The following H2AC7 variants were observed in gnomAD, a reference collection of about 807,000 sequenced individuals.
The protein encoded by H2AC7 is histone H2A type 1-D.
In H2AC7, 15 loss-of-function variants were observed where a neutral mutation model predicts 8.3. The ratio of observed to expected loss-of-function variants is 1.81; its 90% CI spans 1.21 to 2.79. H2AC7 has a LOEUF of 2.79. Among genes scored for constraint, H2AC7 ranks in the 30% most tolerant of loss-of-function variants. The pLI is 0.00. For synonymous variants in H2AC7, 168 were observed against 80.1 expected (o/e 2.10, Z -5.86); for missense variants, 283 against 175.2 (o/e 1.62, Z -3.47).
Position 26,199,177 on chromosome 6 carries a change from C to A in H2AC7, c.67G>T (p.Gly23Ter). Residue 23 changes from glycine to a stop codon, truncating the protein, a stop_gained, in exon 1 of 1, where the codon GGA (glycine) becomes TGA (stop). Transcript: ENST00000341023. LOFTEE classifies it high-confidence loss of function. ...ACGCGGCCCACAGGGAACTGGAGTC[C>A]GGCCCGCGAAGAGCGGGTCTTAGCC... ...AKAKTRSSRA[G>*]LQFPVGRVHR... 4 of 1,614,070 alleles carry A rather than the reference C, an allele frequency of 2.5e-6. No homozygotes were observed. Among genetic ancestry groups the A allele is most frequent in the Non-Finnish European group, 3.4e-6 (4 of 1,179,958 alleles).
In H2AC7 at chr6:26,199,257, A is replaced by G. The variant is rs1275621297; in HGVS notation, c.-14T>C. The stretch of plus-strand genomic sequence containing the variant: ...GCGTCCGGACATTTTGAATTCTTAA[A>G]AACGATGTTAAGCAATGAAGACAAA... On this transcript the variant is annotated 5_prime_UTR_variant, in exon 1 of 1. Transcript: ENST00000341023. 6.3e-7 allele frequency: 1 copy of G among 1,590,966 alleles called. No individual in the cohort carries two copies. The highest frequency in any genetic ancestry group is 8.5e-7 in the Non-Finnish European group (1 of 1,174,112).
rs748090291 is a variant in H2AC7 at position 26,199,085 on chromosome 6, C to G, written c.159G>C (p.Ala53=). The G allele has an allele frequency of 7.4e-6, 12 of 1,614,156 alleles. No individual in the cohort carries two copies. The highest frequency in any genetic ancestry group is 1.3e-5 in the African/African-American group (1 of 75,056). Residue 53 remains alanine, a synonymous_variant, in exon 1 of 1, where the codon GCG becomes GCC. Coordinates refer to ENST00000341023, the MANE Select transcript of H2AC7 (RefSeq NM_021065.3). The stretch of plus-strand genomic sequence containing the variant: ...CGGCGGTCAGGTACTCCAACACCGC[C>G]GCCAGATACACTGGCGCGCCGGCCC... ...RVGAGAPVYL[A]AVLEYLTAEI...
Position 26,199,116 on chromosome 6 carries a change from C to G in H2AC7, c.128G>C (p.Arg43Pro). 2 of 1,614,180 alleles carry G rather than the reference C, an allele frequency of 1.2e-6. No individual in the cohort carries two copies. Among genetic ancestry groups the G allele is most frequent in the Non-Finnish European group, 1.7e-6 (2 of 1,180,022 alleles). ...RLLRKGNYSE[R>P]VGAGAPVYLA... ...ATACACTGGCGCGCCGGCCCCGACT[C>G]GCTCGGAGTAGTTGCCCTTGCGGAG... Residue 43 changes from arginine (R) to proline (P), a missense_variant, in exon 1 of 1, where the codon CGA becomes CCA. Physicochemically the swap from Arg to Pro is moderately radical, Grantham distance 103 (BLOSUM62 -2). Coordinates refer to ENST00000341023, the MANE Select transcript of H2AC7 (RefSeq NM_021065.3).
At position 26,199,264 on chromosome 6, in the gene H2AC7, G is replaced by T. The variant is rs200459903; in HGVS notation, c.-21C>A. On this transcript the variant is annotated 5_prime_UTR_variant, in exon 1 of 1. Coordinates refer to ENST00000341023, the MANE Select transcript of H2AC7 (RefSeq NM_021065.3). ...GACATTTTGAATTCTTAAAAACGATGTTAAGCAATGAAGACAAAAATGTAA... is the reference window on the plus strand; with the variant it reads ...GACATTTTGAATTCTTAAAAACGATTTTAAGCAATGAAGACAAAAATGTAA... The T allele has an allele frequency of 2.5e-6, 4 of 1,586,416 alleles. No individual in the cohort carries two copies. In the South Asian group the frequency reaches 4.6e-5, roughly 18 times the overall value.
In H2AC7 at chr6:26,198,959, GT is replaced by G. The variant is rs748343820; in HGVS notation, c.284del (p.Asn95ThrfsTer46). ...QLAIRNDEEL[N>X]KLLGKVTIAQ... ...CAATTGTGACTTTACCCAGCAACTT[GT>G]TTAGCTCCTCGTCGTTGCGGATGGC... On this transcript the variant is annotated frameshift_variant, in exon 1 of 1. Transcript: ENST00000341023. LOFTEE classifies it high-confidence loss of function. 1 of 1,614,218 alleles carries G rather than the reference GT, an allele frequency of 6.2e-7. No homozygotes were observed. Among genetic ancestry groups the G allele is most frequent in the South Asian group, 1.1e-5 (1 of 91,088 alleles).
Position 26,199,153 on chromosome 6 carries a change from C to G in H2AC7, c.91G>C (p.Val31Leu). Reference protein sequence around the residue: ...RAGLQFPVGRVHRLLRKGNYS... With the variant: ...RAGLQFPVGRLHRLLRKGNYS... ...TTGCCCTTGCGGAGCAAGCGGTGTA[C>G]GCGGCCCACAGGGAACTGGAGTCCG... Residue 31 changes from valine (V) to leucine (L), a missense_variant, in exon 1 of 1, where the codon GTA (valine) becomes CTA (leucine). Val to Leu is a conservative substitution (Grantham distance 32). Transcript: ENST00000341023. 1 of 1,614,144 alleles carries G rather than the reference C, an allele frequency of 6.2e-7. No homozygotes were observed. The highest frequency in any genetic ancestry group is 8.5e-7 in the Non-Finnish European group (1 of 1,180,008).
In H2AC7 at chr6:26,198,985, C is replaced by A; in HGVS notation, c.259G>T (p.Ala87Ser). 6.2e-7 allele frequency: 1 copy of A among 1,614,210 alleles called. No homozygotes were observed. Among genetic ancestry groups the A allele is most frequent in the Non-Finnish European group, 8.5e-7 (1 of 1,180,042 alleles). Residue 87 changes from alanine (A) to serine (S), a missense_variant, in exon 1 of 1, where the codon GCC becomes TCC. Transcript: ENST00000341023. ...TTTAGCTCCTCGTCGTTGCGGATGG[C>A]CAGCTGCAGGTGTCGGGGGATGATG... is the stretch of plus-strand genomic sequence containing the variant. ...TRIIPRHLQLAIRNDEELNKL... is the reference protein window; with the variant it reads ...TRIIPRHLQLSIRNDEELNKL...
Position 26,199,075 on chromosome 6 carries a change from C to T in H2AC7, c.169G>A (p.Glu57Lys), listed in dbSNP as rs752018813. The T allele has an allele frequency of 1.9e-6, 3 of 1,614,172 alleles. No individual in the cohort carries two copies. The highest frequency in any genetic ancestry group is 1.1e-5 in the South Asian group (1 of 91,080). Residue 57 changes from glutamate to lysine, a missense_variant, in exon 1 of 1, where the codon GAG becomes AAG. Glu to Lys is a moderately conservative substitution (Grantham distance 56). Transcript: ENST00000341023. ...GAPVYLAAVL[E>K]YLTAEILELA... ...TCCAGGATCTCGGCGGTCAGGTACT[C>T]CAACACCGCCGCCAGATACACTGGC...
chr6:26,199,020 T>C lies in H2AC7; in HGVS notation c.224A>G (p.Lys75Arg), dbSNP rs931788913. 2 of 1,614,146 alleles carry C rather than the reference T, an allele frequency of 1.2e-6. No homozygotes were observed. Among genetic ancestry groups the C allele is most frequent in the African/African-American group, 1.3e-5 (1 of 75,040 alleles). ...ELAGNAARDN[K>R]KTRIIPRHLQ... The stretch of plus-strand genomic sequence containing the variant: ...GTGTCGGGGGATGATGCGGGTCTTC[T>C]TGTTGTCGCGGGCGGCGTTGCCCGC... Residue 75 changes from lysine to arginine, a missense_variant, in exon 1 of 1, where the codon AAG becomes AGG. Physicochemically the swap from Lys to Arg is conservative, Grantham distance 26 (BLOSUM62 2). Coordinates refer to ENST00000341023, the MANE Select transcript of H2AC7 (RefSeq NM_021065.3).
chr6:26,199,142 C>A lies in H2AC7; in HGVS notation c.102G>T (p.Leu34Phe), dbSNP rs1264993920. ...LQFPVGRVHR[L>F]LRKGNYSERV... ...GCTCGGAGTAGTTGCCCTTGCGGAGCAAGCGGTGTACGCGGCCCACAGGGA... is the reference window on the plus strand; with the variant it reads ...GCTCGGAGTAGTTGCCCTTGCGGAGAAAGCGGTGTACGCGGCCCACAGGGA... Residue 34 changes from leucine (L) to phenylalanine (F), a missense_variant, in exon 1 of 1, where the codon TTG becomes TTT. By Grantham distance (22) the Leu-to-Phe change is conservative. Transcript: ENST00000341023. 6.2e-7 allele frequency: 1 copy of A among 1,614,172 alleles called. No homozygotes were observed. Among genetic ancestry groups the A allele is most frequent in the Non-Finnish European group, 8.5e-7 (1 of 1,180,026 alleles).
chr6:26,199,177 C>T lies in H2AC7; in HGVS notation c.67G>A (p.Gly23Arg), dbSNP rs1765065996. The part of the protein sequence containing the change: ...AKAKTRSSRA[G>R]LQFPVGRVHR... ...ACGCGGCCCACAGGGAACTGGAGTC[C>T]GGCCCGCGAAGAGCGGGTCTTAGCC... Residue 23 changes from glycine to arginine, a missense_variant, in exon 1 of 1, where the codon GGA becomes AGA. Transcript: ENST00000341023. 2 of 1,614,070 alleles carry T rather than the reference C, an allele frequency of 1.2e-6. No homozygotes were observed. The highest frequency in any genetic ancestry group is 1.7e-6 in the Non-Finnish European group (2 of 1,179,958).
At position 26,198,964 on chromosome 6, in the gene H2AC7, G is replaced by C. The variant is rs139406782; in HGVS notation, c.280C>G (p.Leu94Val). 384 of 1,614,234 alleles carry C rather than the reference G, an allele frequency of 2.4e-4. No homozygotes were observed. Among genetic ancestry groups the C allele is most frequent in the Non-Finnish European group, 3.1e-4 (368 of 1,180,050 alleles). Residue 94 changes from leucine to valine, a missense_variant, in exon 1 of 1, where the codon CTA becomes GTA. Physicochemically the swap from Leu to Val is conservative, Grantham distance 32. Coordinates refer to ENST00000341023, the MANE Select transcript of H2AC7 (RefSeq NM_021065.3). ...GTGACTTTACCCAGCAACTTGTTTAGCTCCTCGTCGTTGCGGATGGCCAGC... is the reference window on the plus strand; with the variant it reads ...GTGACTTTACCCAGCAACTTGTTTACCTCCTCGTCGTTGCGGATGGCCAGC... ...LQLAIRNDEE[L>V]NKLLGKVTIA...
In H2AC7 at chr6:26,199,179, G is replaced by A; in HGVS notation, c.65C>T (p.Ala22Val). The A allele has an allele frequency of 1.2e-6, 2 of 1,614,080 alleles. No homozygotes were observed. The highest frequency in any genetic ancestry group is 1.7e-6 in the Non-Finnish European group (2 of 1,179,966). Residue 22 changes from alanine (A) to valine (V), a missense_variant, in exon 1 of 1, where the codon GCC becomes GTC. Physicochemically the swap from Ala to Val is moderately conservative, Grantham distance 64 (BLOSUM62 0). Transcript: ENST00000341023. ...GCGGCCCACAGGGAACTGGAGTCCG[G>A]CCCGCGAAGAGCGGGTCTTAGCCTT... ...RAKAKTRSSR[A>V]GLQFPVGRVH...
rs1290793856 is a variant in H2AC7, at chr6:26,199,196, C to T, written c.48G>A (p.Lys16=). The change falls in exon 1 of 1, where the codon AAG becomes AAA. Residue 16 remains lysine (K), a synonymous_variant. Transcript: ENST00000341023. Reference sequence around the variant, plus strand: ...GGAGTCCGGCCCGCGAAGAGCGGGTCTTAGCCTTAGCTCGGGCCTTTCCGC... The same window carrying T: ...GGAGTCCGGCCCGCGAAGAGCGGGTTTTAGCCTTAGCTCGGGCCTTTCCGC... ...KQGGKARAKA[K]TRSSRAGLQF... is the part of the protein sequence containing the mutation. 4 of 1,613,508 alleles carry T rather than the reference C, an allele frequency of 2.5e-6. No homozygotes were observed. Among genetic ancestry groups the T allele is most frequent in the African/African-American group, 1.3e-5 (1 of 74,902 alleles).
chr6:26,199,053 A>G lies in H2AC7; in HGVS notation c.191T>C (p.Leu64Pro), dbSNP rs761680583. The G allele has an allele frequency of 1.9e-6, 3 of 1,614,094 alleles. No individual in the cohort carries two copies. The highest frequency in any genetic ancestry group is 2.5e-6 in the Non-Finnish European group (3 of 1,180,004). Residue 64 changes from leucine (L) to proline (P), a missense_variant, in exon 1 of 1, where the codon CTG (leucine) becomes CCG (proline). By Grantham distance (98) the Leu-to-Pro change is moderately conservative (BLOSUM62 -3). Transcript: ENST00000341023. ...GCGGGCGGCGTTGCCCGCCAGCTCC[A>G]GGATCTCGGCGGTCAGGTACTCCAA... The part of the protein sequence containing the change: ...AVLEYLTAEI[L>P]ELAGNAARDN...
In H2AC7 at chr6:26,199,164, G is replaced by A; in HGVS notation, c.80C>T (p.Pro27Leu). The change falls in exon 1 of 1, where the codon CCT becomes CTT. Residue 27 changes from proline to leucine, a missense_variant. Physicochemically the swap from Pro to Leu is moderately conservative, Grantham distance 98. Coordinates refer to ENST00000341023, the MANE Select transcript of H2AC7 (RefSeq NM_021065.3). ...TRSSRAGLQFPVGRVHRLLRK... is the reference protein window; with the variant it reads ...TRSSRAGLQFLVGRVHRLLRK... ...GAGCAAGCGGTGTACGCGGCCCACAGGGAACTGGAGTCCGGCCCGCGAAGA... is the reference window on the plus strand; with the variant it reads ...GAGCAAGCGGTGTACGCGGCCCACAAGGAACTGGAGTCCGGCCCGCGAAGA... The A allele has an allele frequency of 1.2e-6, 2 of 1,614,152 alleles. No homozygotes were observed. Among genetic ancestry groups the A allele is most frequent in the Non-Finnish European group, 1.7e-6 (2 of 1,179,982 alleles).
rs750001226 is a variant in H2AC7, at chr6:26,199,239, G to A, written c.5C>T (p.Ser2Phe). Reference protein sequence around the residue: MSGRGKQGGKAR... With the variant: MFGRGKQGGKAR... ...CTTTCCGCCTTGCTTGCCGCGTCCG[G>A]ACATTTTGAATTCTTAAAAACGATG... The change falls in exon 1 of 1, where the codon TCC (serine) becomes TTC (phenylalanine). Residue 2 changes from serine to phenylalanine, a missense_variant. Coordinates refer to ENST00000341023, the MANE Select transcript of H2AC7 (RefSeq NM_021065.3). 5.6e-6 allele frequency: 9 copies of A among 1,594,644 alleles called. No individual in the cohort carries two copies. Among genetic ancestry groups the A allele is most frequent in the African/African-American group, 2.7e-5 (2 of 73,482 alleles).
Position 26,199,111 on chromosome 6 carries a change from C to G in H2AC7, c.133G>C (p.Gly45Arg), listed in dbSNP as rs746957898. ...LRKGNYSERV[G>R]AGAPVYLAAV... The stretch of plus-strand genomic sequence containing the variant: ...GCCAGATACACTGGCGCGCCGGCCC[C>G]GACTCGCTCGGAGTAGTTGCCCTTG... Residue 45 changes from glycine to arginine, a missense_variant, in exon 1 of 1, where the codon GGG becomes CGG. Coordinates refer to ENST00000341023, the MANE Select transcript of H2AC7 (RefSeq NM_021065.3). 4 of 1,614,054 alleles carry G rather than the reference C, an allele frequency of 2.5e-6. No homozygotes were observed. The highest frequency in any genetic ancestry group is 2.7e-5 in the African/African-American group (2 of 74,942).
At position 26,199,127 on chromosome 6, in the gene H2AC7, G is replaced by C; in HGVS notation, c.117C>G (p.Asn39Lys). ...CGCCGGCCCCGACTCGCTCGGAGTAGTTGCCCTTGCGGAGCAAGCGGTGTA... is the reference window on the plus strand; with the variant it reads ...CGCCGGCCCCGACTCGCTCGGAGTACTTGCCCTTGCGGAGCAAGCGGTGTA... ...GRVHRLLRKG[N>K]YSERVGAGAP... The change falls in exon 1 of 1, where the codon AAC (asparagine) becomes AAG (lysine). Residue 39 changes from asparagine (N) to lysine (K), a missense_variant. Transcript: ENST00000341023. 6.2e-7 allele frequency: 1 copy of C among 1,614,232 alleles called. No individual in the cohort carries two copies. The highest frequency in any genetic ancestry group is 2.2e-5 in the East Asian group (1 of 44,884).
Sources: allele counts gnomAD v4.1 joint callset, GRCh38; gene constraint gnomAD v4.1.1; transcripts MANE v1.5; gene names NCBI Gene and HGNC (gene_info 2026-07-23, HGNC 2026-07-21).